The following MAP2 variants were observed in gnomAD, a reference collection of about 807,000 sequenced individuals.
MAP2 encodes microtubule-associated protein 2.
In MAP2, 14 loss-of-function variants were observed where a neutral mutation model predicts 137.6. The observed-to-expected ratio is 0.10, with a 90% CI of 0.07 to 0.16. The LOEUF (loss-of-function observed/expected upper bound fraction) is 0.16. Ranked by LOEUF, MAP2 falls within the 10% of genes least tolerant of loss-of-function variation. The pLI is 1.00. For synonymous variants in MAP2, 786 were observed against 782.3 expected, an observed-to-expected ratio of 1.00 and a Z score of -0.08; for missense variants, 2,088 against 2,191.5, an observed-to-expected ratio of 0.95 and a Z score of 0.94.
chr2:209,616,064 ATTC>A (rs367893133), intron 3 of MAP2, among the ~76,000 whole-genome samples: 50 of 152,214 alleles, frequency 3.3e-4, no homozygotes, highest in Admixed American at 9.8e-4. Flanking sequence ...GCTCAATAAA[ATTC>A]TTCTCCCTCT....
At chr2:209,628,808 C>T (rs2092684035) in intron 4 of MAP2, among the ~76,000 whole-genome samples, 1 of 152,108 alleles carries the variant, frequency 6.6e-6, no homozygotes, top group Non-Finnish European at 1.5e-5. Flanking sequence ...TATTACCAGC[C>T]CCTAGAACTA....
intron 5 of MAP2, among the ~76,000 whole-genome samples, chr2:209,654,356 A>G (rs183589939): frequency 4.2e-4 from 64 of 152,354 alleles, no homozygotes; most frequent in Non-Finnish European, 5.4e-4. Context: ...ATGGAAGAAG[A>G]GAGTGATAGT....
intron 2 of MAP2, among the ~76,000 whole-genome samples, chr2:209,559,503 A>AAAAAAAAAC: frequency 1.4e-5 from 2 of 144,860 alleles, no homozygotes; most frequent in Non-Finnish European, 3.0e-5. Flanking sequence ...AAAAAAAAAA[A>AAAAAAAAAC]AGCCGGGTGT....
chr2:209,495,387 C>T (rs775266053), intron 1 of MAP2, among the ~76,000 whole-genome samples: 7 of 152,230 alleles, frequency 4.6e-5, no homozygotes, highest in African/African-American at 1.2e-4. Flanking sequence ...TGCCTCATAA[C>T]GGGGAGATAC....
chr2:209,562,223 A>G (rs2072277137), intron 2 of MAP2, among the ~76,000 whole-genome samples: 1 of 152,182 alleles, frequency 6.6e-6, no homozygotes, highest in African/African-American at 2.4e-5. Context: ...CACATATGTG[A>G]TTCTGGATAT....
chr2:209,638,031 G>A (rs546059668), intron 4 of MAP2, among the ~76,000 whole-genome samples: 52 of 152,192 alleles, frequency 3.4e-4, no homozygotes, highest in Non-Finnish European at 6.0e-4. Context: ...TGTCTTTGCA[G>A]AAAAATTAAT....
At chr2:209,604,090 A>G (rs1016388958) in intron 3 of MAP2, among the ~76,000 whole-genome samples, 3 of 152,140 alleles carry the variant, frequency 2.0e-5, no homozygotes, top group Non-Finnish European at 2.9e-5. Flanking sequence ...TAATTTATCC[A>G]TGAGATTCAC....
At chr2:209,709,704 G>T (rs780381236) in intron 12 of MAP2, among the ~76,000 whole-genome samples, 4 of 151,946 alleles carry the variant, frequency 2.6e-5, no homozygotes, top group African/African-American at 4.8e-5. Flanking sequence ...TCTTTGTGTT[G>T]ATAGCAATGC....
At chr2:209,486,820 A>G (rs12467717) in intron 1 of MAP2, among the ~76,000 whole-genome samples, 27,430 of 152,210 alleles carry the variant, frequency 0.18, 3,177 homozygotes, top group Non-Finnish European at 0.26. Context: ...GGGAAAATTA[A>G]AGCATTAACT....
rs1280097935 is a variant in MAP2 at position 209,584,153 on chromosome 2, A to T, written c.-107+4053A>T. ...TTCCATGGTGTATATATAACATATT[A>T]TGGATAATTTATTAAGGGACTTCAT... On this transcript the variant is annotated intron_variant, in intron 3 of 15. Transcript: ENST00000682079. 2.6e-5 allele frequency among the ~76,000 whole-genome samples: 4 copies of T among 152,012 alleles called. No homozygotes were observed. In the East Asian group the frequency reaches 7.7e-4, roughly 29 times the overall value.
intron 1 of MAP2, among the ~76,000 whole-genome samples, chr2:209,440,727 C>T (rs908407773): frequency 6.6e-6 from 1 of 151,426 alleles, no homozygotes; most frequent in South Asian, 2.1e-4. Context: ...AGGCACCTTT[C>T]AGAGGAAACA....
At chr2:209,646,688 T>G (rs1183003323) in intron 4 of MAP2, among the ~76,000 whole-genome samples, 3 of 152,208 alleles carry the variant, frequency 2.0e-5, no homozygotes, top group Admixed American at 2.0e-4. Flanking sequence ...ATTAAGTGAT[T>G]GAAAATTGGA....
chr2:209,566,611 T>C (rs764366452), intron 2 of MAP2, among the ~76,000 whole-genome samples: 8 of 152,194 alleles, frequency 5.3e-5, no homozygotes, highest in Non-Finnish European at 8.8e-5. Flanking sequence ...ATCATCAGTT[T>C]TCATTTAATT....
At chr2:209,520,232 C>T (rs1018881596) in intron 2 of MAP2, among the ~76,000 whole-genome samples, 17 of 151,982 alleles carry the variant, frequency 1.1e-4, no homozygotes, top group African/African-American at 3.9e-4. Context: ...ATAAATAGAT[C>T]AGGAGATTAC....
At position 209,494,432 on chromosome 2, in the gene MAP2, T is replaced by TAA. The variant is rs34659853; in HGVS notation, c.-221-13147_-221-13146dup. On this transcript the variant is annotated intron_variant, in intron 1 of 15. Transcript: ENST00000682079. ...GGTATCCCAAAACTTAAAGTATAAT[T>TAA]AAAAAAAAAAAAAAGCCAGCTAAAT... 4.4e-3 allele frequency among the ~76,000 whole-genome samples: 594 copies of TAA among 135,660 alleles called. 6 individuals are homozygous for TAA. Among genetic ancestry groups the TAA allele is most frequent in the South Asian group, 0.018 (74 of 4,214 alleles). 89.0% of individuals were successfully genotyped at this position (135,660 alleles called of 152,430 possible).
chr2:209,677,057 A>G (rs2052137999), intron 5 of MAP2, among the ~76,000 whole-genome samples: 1 of 151,622 alleles, frequency 6.6e-6, no homozygotes, highest in Non-Finnish European at 1.5e-5. Flanking sequence ...TTAGGAGCCC[A>G]GCCTTTCAGA....
Position 209,695,799 on chromosome 2 carries a change from T to A in MAP2, c.3629T>A (p.Ile1210Lys). ...PKEESKETPDISITPSDVAEP... is the reference protein window; with the variant it reads ...PKEESKETPDKSITPSDVAEP... ...GAAGAAAGCAAAGAGACCCCAGATA[T>A]ATCCATCACGCCTTCTGATGTTGCA... The change falls in exon 8 of 16, where the codon ATA (isoleucine) becomes AAA (lysine). Residue 1210 changes from isoleucine (I) to lysine (K), a missense_variant. By Grantham distance (102) the Ile-to-Lys change is moderately radical (BLOSUM62 -3). This residue lies in a region of MAP2 where 591 missense variants were observed against 642.6 expected (regional missense o/e 0.92). Coordinates refer to ENST00000682079, the MANE Select transcript of MAP2 (RefSeq NM_001375505.1). The A allele has an allele frequency of 6.2e-7, 1 of 1,614,032 alleles. No homozygotes were observed. Among genetic ancestry groups the A allele is most frequent in the South Asian group, 1.1e-5 (1 of 91,076 alleles).
intron 4 of MAP2, among the ~76,000 whole-genome samples, chr2:209,644,876 A>G (rs1255579181): frequency 7.0e-6 from 1 of 143,730 alleles, no homozygotes; most frequent in Non-Finnish European, 1.5e-5. Context: ...TTTTAGTAAA[A>G]TGTATTTCTG....
intron 14 of MAP2, among the ~76,000 whole-genome samples, chr2:209,729,092 A>G (rs2075175696): frequency 6.6e-6 from 1 of 152,152 alleles, no homozygotes; most frequent in African/African-American, 2.4e-5. Flanking sequence ...GGGGAAGACT[A>G]CACTGAAGAG....
Sources: gnomAD v4.1 joint callset for allele counts (sites outside exome capture counted in the v4.1 genomes callset) on GRCh38, gnomAD v4.1.1 for gene constraint, gnomAD v4.1.1 regional missense constraint, MANE v1.5 for transcripts, NCBI Gene and HGNC (gene_info 2026-07-23, HGNC 2026-07-21) for gene names.